The following WWOX variants were observed in gnomAD, a reference collection of about 807,000 sequenced individuals.
WWOX encodes the protein WW domain-containing oxidoreductase.
In WWOX, 69 loss-of-function variants were observed where a neutral mutation model predicts 46.2. The observed-to-expected ratio is 1.49, with a 90% CI of 1.23 to 1.82. The LOEUF is 1.82. WWOX is among the 40% of genes most tolerant of loss of function. The pLI is 0.00. For synonymous variants in WWOX, 359 were observed against 202.6 expected (o/e 1.77, Z -6.56); for missense variants, 919 against 542.6 (o/e 1.69, Z -6.89).
Position 78,509,030 on chromosome 16 carries a change from T to A in WWOX, c.1056+76278T>A, listed in dbSNP as rs555857338. ...GCATGTGTGGCTTTGTAGACACGTA[T>A]GTGTGTGTGCGTGCACACCTGCCTG... is the stretch of plus-strand genomic sequence containing the variant. On this transcript the variant is annotated intron_variant, in intron 8 of 8. Transcript: ENST00000566780. Among the ~76,000 whole-genome samples the A allele has an allele frequency of 3.9e-5, 6 of 152,382 alleles. No individual in the cohort carries two copies. In the South Asian group the frequency reaches 1.2e-3, roughly 32 times the overall value.
intron 5 of WWOX, among the ~76,000 whole-genome samples, chr16:78,364,420 A>C (rs1317152510): frequency 6.6e-6 from 1 of 151,756 alleles, no homozygotes; most frequent in Non-Finnish European, 1.5e-5. Flanking sequence ...CATTTTTAGT[A>C]GTACTGTTGA....
intron 8 of WWOX, among the ~76,000 whole-genome samples, chr16:78,922,882 T>A (rs759636109): frequency 1.3e-5 from 2 of 152,290 alleles, no homozygotes; most frequent in South Asian, 4.1e-4. Context: ...TTATTAATCA[T>A]ACTAAAAATA....
At chr16:78,806,846 A>T (rs576329113) in intron 8 of WWOX, among the ~76,000 whole-genome samples, 1 of 152,294 alleles carries the variant, frequency 6.6e-6, no homozygotes, top group Non-Finnish European at 1.5e-5. Context: ...CTTTTGAAAG[A>T]TGCAGTCTGC....
At chr16:78,452,112 A>C (rs979234899) in intron 8 of WWOX, among the ~76,000 whole-genome samples, 1 of 152,162 alleles carries the variant, frequency 6.6e-6, no homozygotes, top group African/African-American at 2.4e-5. Flanking sequence ...GAATTAATAA[A>C]ATGATTTATG....
chr16:78,607,698 G>C (rs554700675), intron 8 of WWOX, among the ~76,000 whole-genome samples: 17 of 149,218 alleles, frequency 1.1e-4, no homozygotes, highest in Admixed American at 3.4e-4. Context: ...GCCCTTAAGA[G>C]AAAAACTGGA....
intron 8 of WWOX, among the ~76,000 whole-genome samples, chr16:78,598,294 G>C (rs772975573): frequency 1.3e-5 from 2 of 152,176 alleles, no homozygotes; most frequent in Non-Finnish European, 2.9e-5. Flanking sequence ...TTAATAAACG[G>C]ATTGTGTTTT....
chr16:78,504,755 G>A (rs931048416), intron 8 of WWOX, among the ~76,000 whole-genome samples: 2 of 152,018 alleles, frequency 1.3e-5, no homozygotes, highest in Non-Finnish European at 2.9e-5. Flanking sequence ...ACCACGCCAC[G>A]GACGCATGAA....
chr16:79,206,158 G>C (rs931901454), intron 8 of WWOX: 1 of 152,094 alleles, frequency 6.6e-6, no homozygotes, highest in Non-Finnish European at 1.5e-5. Context: ...ACATTTCTCG[G>C]GTGAACACAC....
At chr16:78,600,916 C>G (rs2045607455) in intron 8 of WWOX, among the ~76,000 whole-genome samples, 1 of 152,170 alleles carries the variant, frequency 6.6e-6, no homozygotes, top group Middle Eastern at 3.2e-3. Flanking sequence ...CCATCTCAGT[C>G]TCTGCAGGGC....
chr16:78,972,470 G>GA (rs11375724), intron 8 of WWOX, among the ~76,000 whole-genome samples: 21,866 of 142,856 alleles, frequency 0.15, 2,620 homozygotes, highest in African/African-American at 0.34. Context: ...AAGCAGGGGT[G>GA]AAAAAAAAAA....
intron 8 of WWOX, among the ~76,000 whole-genome samples, chr16:78,968,129 TGGTCCGTGTGGCACAGCGC>T (rs1465617257): frequency 0.019 from 140 of 7,470 alleles, no homozygotes; most frequent in African/African-American, 0.032. Flanking sequence ...GCACAGCGCG[TGGTCCGTGTGGCACAGCGC>T]GTGGTCCGCG....
chr16:78,309,963 C>T (rs1275336050), intron 5 of WWOX, among the ~76,000 whole-genome samples: 1 of 152,098 alleles, frequency 6.6e-6, no homozygotes, highest in African/African-American at 2.4e-5. Flanking sequence ...GCGTGAAGTT[C>T]GTAGAGCCAG....
intron 8 of WWOX, among the ~76,000 whole-genome samples, chr16:78,760,898 G>T (rs1230163915): frequency 6.6e-6 from 1 of 152,178 alleles, no homozygotes; most frequent in African/African-American, 2.4e-5. Flanking sequence ...AAGGGGAAAG[G>T]CGCATCTCAC....
intron 8 of WWOX, among the ~76,000 whole-genome samples, chr16:78,457,559 C>G (rs2083848693): frequency 6.6e-6 from 1 of 151,998 alleles, no homozygotes; most frequent in South Asian, 2.1e-4. Flanking sequence ...ATCTTAACAG[C>G]CGTTTTTATA....
At chr16:78,643,894 G>C (rs1220415587) in intron 8 of WWOX, among the ~76,000 whole-genome samples, 1 of 150,820 alleles carries the variant, frequency 6.6e-6, no homozygotes, top group Non-Finnish European at 1.5e-5. Context: ...CAGCTCCCTT[G>C]ATATCTTGAT....
intron 8 of WWOX, among the ~76,000 whole-genome samples, chr16:78,773,025 C>G (rs1334124344): frequency 6.6e-6 from 1 of 151,936 alleles, no homozygotes; most frequent in Non-Finnish European, 1.5e-5. Context: ...TTTTGCAGAC[C>G]TTGTCTCCAA....
At chr16:78,487,447 G>C (rs998759683) in intron 8 of WWOX, among the ~76,000 whole-genome samples, 1 of 152,128 alleles carries the variant, frequency 6.6e-6, no homozygotes, top group Non-Finnish European at 1.5e-5. Flanking sequence ...TCTTACTAAT[G>C]TTCCGTCTTT....
chr16:78,116,864 A>G (rs942235067), intron 4 of WWOX, among the ~76,000 whole-genome samples: 2 of 152,186 alleles, frequency 1.3e-5, no homozygotes, highest in African/African-American at 4.8e-5. Flanking sequence ...ATATGTGACT[A>G]CTGATTGTTT....
chr16:78,570,373 A>G (rs919417725), intron 8 of WWOX, among the ~76,000 whole-genome samples: 10 of 152,248 alleles, frequency 6.6e-5, no homozygotes, highest in African/African-American at 1.7e-4. Flanking sequence ...TGGTGGTGCA[A>G]TCATAACTCA....
Sources: allele counts gnomAD v4.1 joint callset (sites outside exome capture counted in the v4.1 genomes callset), GRCh38; gene constraint gnomAD v4.1.1; transcripts MANE v1.5; gene names NCBI Gene and HGNC (gene_info 2026-07-23, HGNC 2026-07-21).